Variants in FBXL17 observed in about 807,000 individuals in gnomAD.
The protein encoded by FBXL17 is F-box/LRR-repeat protein 17.
A neutral mutation model predicts 66.2 loss-of-function variants in FBXL17; 22 were observed. That is an observed-to-expected ratio of 0.33 (90% confidence interval 0.24 to 0.47). FBXL17 has a LOEUF of 0.47. FBXL17 is among the 20% of genes least tolerant of loss of function. The pLI, the probability that FBXL17 is intolerant of heterozygous loss-of-function variation, is 1.00. For synonymous variants in FBXL17, 474 were observed against 400.5 expected, an observed-to-expected ratio of 1.18 and a Z score of -2.19; for missense variants, 878 against 948.2, an observed-to-expected ratio of 0.93 and a Z score of 0.97.
chr5:107,995,894 A>T (rs1192063844), intron 7 of FBXL17, among the ~76,000 whole-genome samples: 2 of 152,228 alleles, frequency 1.3e-5, no homozygotes, highest in Non-Finnish European at 2.9e-5. Flanking sequence ...AAAATGAGAC[A>T]ATGAAGCAGC....
At chr5:108,007,761 G>C (rs576334672) in intron 7 of FBXL17, among the ~76,000 whole-genome samples, 11 of 152,216 alleles carry the variant, frequency 7.2e-5, no homozygotes, top group African/African-American at 2.6e-4. Context: ...TAGGAACGAA[G>C]ATGAAGCATG....
chr5:108,022,228 T>C (rs149092179), intron 6 of FBXL17, among the ~76,000 whole-genome samples: 173 of 152,028 alleles, frequency 1.1e-3, no homozygotes, highest in African/African-American at 3.9e-3. Context: ...AAAAAATGGA[T>C]AAACTTTTCC....
intron 6 of FBXL17, among the ~76,000 whole-genome samples, chr5:108,099,365 G>A (rs192204933): frequency 3.3e-5 from 5 of 152,128 alleles, no homozygotes; most frequent in Non-Finnish European, 5.9e-5. Flanking sequence ...AGATCAAAAA[G>A]AGAAAAGCAA....
chr5:108,156,133 C>T (rs1372362728), intron 6 of FBXL17, among the ~76,000 whole-genome samples: 1 of 151,964 alleles, frequency 6.6e-6, no homozygotes. Flanking sequence ...GGGAATTATT[C>T]TTATTTTTAA....
At chr5:107,918,415 C>T (rs1230576693) in intron 7 of FBXL17, among the ~76,000 whole-genome samples, 1 of 152,164 alleles carries the variant, frequency 6.6e-6, no homozygotes, top group Non-Finnish European at 1.5e-5. Context: ...TAAAAAGAAT[C>T]TTGATCAGTA....
intron 2 of FBXL17, 92 bp from the exon 3 acceptor site, chr5:108,365,087 A>G (rs1748576279): frequency 3.5e-6 from 3 of 858,070 alleles, no homozygotes; most frequent in Non-Finnish European, 5.3e-6. Context: ...TAAACAATAT[A>G]CTAATTAGAT....
At chr5:108,372,711 A>G (rs1365212907) in intron 1 of FBXL17, among the ~76,000 whole-genome samples, 1 of 152,232 alleles carries the variant, frequency 6.6e-6, no homozygotes, top group African/African-American at 2.4e-5. Context: ...AGATATTTCC[A>G]GATAAACAAA....
In FBXL17 at chr5:108,072,334, A is replaced by G. The variant is rs183768895; in HGVS notation, c.1746-51333T>C. 4.9e-3 allele frequency among the ~76,000 whole-genome samples: 739 copies of G among 152,354 alleles called. 2 individuals are homozygous for G. The highest frequency in any genetic ancestry group is 8.2e-3 in the Non-Finnish European group (556 of 68,014). On this transcript the variant is annotated intron_variant, in intron 6 of 8. Transcript: ENST00000542267. ...CTTTACAAAATATTGTAAAAATGAA[A>G]TAGTTATTACCAGAAATTAAAGTGT...
At chr5:108,288,865 T>G (rs186064983) in intron 4 of FBXL17, among the ~76,000 whole-genome samples, 2 of 152,108 alleles carry the variant, frequency 1.3e-5, no homozygotes, top group Admixed American at 6.6e-5. Flanking sequence ...TTAAACTATG[T>G]ACACTTACTA....
chr5:108,108,779 T>C (rs2149950153), intron 6 of FBXL17, among the ~76,000 whole-genome samples: 1 of 145,302 alleles, frequency 6.9e-6, no homozygotes, highest in East Asian at 2.0e-4. Context: ...ACTCACACTT[T>C]GTTTTTGTTT....
At chr5:108,295,100 A>C (rs1274065079) in intron 4 of FBXL17, among the ~76,000 whole-genome samples, 2 of 151,976 alleles carry the variant, frequency 1.3e-5, no homozygotes, top group African/African-American at 2.4e-5. Context: ...TTTATATAAG[A>C]GTACACTTTT....
intron 4 of FBXL17, among the ~76,000 whole-genome samples, chr5:108,313,821 C>A (rs1444115519): frequency 1.3e-5 from 2 of 151,842 alleles, no homozygotes; most frequent in Non-Finnish European, 2.9e-5. Context: ...ATCTAAAAAA[C>A]ATTTTTGAAC....
At chr5:108,120,723 C>T (rs780789010) in intron 6 of FBXL17, among the ~76,000 whole-genome samples, 10 of 152,046 alleles carry the variant, frequency 6.6e-5, no homozygotes, top group Non-Finnish European at 1.3e-4. Flanking sequence ...GTCGTAGCTA[C>T]TCAGAAGGCT....
At chr5:108,073,810 A>C (rs549207138) in intron 6 of FBXL17, among the ~76,000 whole-genome samples, 5 of 152,070 alleles carry the variant, frequency 3.3e-5, no homozygotes, top group Non-Finnish European at 7.4e-5. Context: ...CCATGTGATA[A>C]ACTGGCTCCC....
At chr5:108,380,597 A>AC (rs1439720697) in intron 1 of FBXL17, 102 bp downstream of exon 1, 18 of 684,266 alleles carry the variant, frequency 2.6e-5, no homozygotes, top group East Asian at 3.6e-5. Flanking sequence ...CTGCCAGGGA[A>AC]CCCCCCTCCT....
intron 6 of FBXL17, among the ~76,000 whole-genome samples, chr5:108,083,565 T>C (rs1444923819): frequency 8.5e-6 from 1 of 117,384 alleles, no homozygotes; most frequent in African/African-American, 3.5e-5. Flanking sequence ...ATATTTTTTG[T>C]GGCTAATTTT....
At chr5:108,243,641 C>T (rs574499172) in intron 4 of FBXL17, among the ~76,000 whole-genome samples, 2 of 152,188 alleles carry the variant, frequency 1.3e-5, no homozygotes, top group African/African-American at 4.8e-5. Flanking sequence ...GTAAAGAAAC[C>T]TTCTTCCGTT....
chr5:108,055,111 G>A (rs1214529940), intron 6 of FBXL17, among the ~76,000 whole-genome samples: 1 of 151,656 alleles, frequency 6.6e-6, no homozygotes, highest in Non-Finnish European at 1.5e-5. Context: ...TAAAATAACA[G>A]AACGATATGA....
chr5:107,927,997 C>T (rs1750589178), intron 7 of FBXL17, among the ~76,000 whole-genome samples: 1 of 152,052 alleles, frequency 6.6e-6, no homozygotes, highest in South Asian at 2.1e-4. Context: ...GACTGCATTT[C>T]TCACCATCTG....
Sources: allele counts gnomAD v4.1 joint callset (sites outside exome capture counted in the v4.1 genomes callset), GRCh38; gene constraint gnomAD v4.1.1; transcripts MANE v1.5; gene names NCBI Gene and HGNC (gene_info 2026-07-23, HGNC 2026-07-21).